Variants in NAALADL2 observed in about 807,000 individuals in gnomAD.
NAALADL2 encodes the protein N-acetylated alpha-linked acidic dipeptidase like 2, also known as inactive N-acetylated-alpha-linked acidic dipeptidase-like protein 2.
In NAALADL2, 76 loss-of-function variants were observed where a neutral mutation model predicts 87.2. The observed-to-expected ratio is 0.87, with a 90% confidence interval of 0.72 to 1.05. The LOEUF (loss-of-function observed/expected upper bound fraction) is 1.05. Ranked by LOEUF, NAALADL2 falls within the 50% of genes least tolerant of loss-of-function variation. The pLI is 0.00. For synonymous variants in NAALADL2, 354 were observed against 331.0 expected (o/e 1.07, Z -0.75); for missense variants, 1,089 against 945.8 (o/e 1.15, Z -1.99).
chr3:174,786,387 G>A (rs576013268), intron 3 of NAALADL2, among the ~76,000 whole-genome samples: 502 of 148,964 alleles, frequency 3.4e-3, no homozygotes, highest in Middle Eastern at 0.014. Context: ...GGAGGTGGAG[G>A]TTGCAGTGAG....
At chr3:175,635,451 G>C (rs371381588) in intron 11 of NAALADL2, among the ~76,000 whole-genome samples, 1 of 151,928 alleles carries the variant, frequency 6.6e-6, no homozygotes, top group South Asian at 2.1e-4. Flanking sequence ...GACTGATTTC[G>C]ACATGTATTT....
At chr3:175,176,833 T>C (rs1315140502) in intron 2 of NAALADL2, among the ~76,000 whole-genome samples, 1 of 152,112 alleles carries the variant, frequency 6.6e-6, no homozygotes, top group Non-Finnish European at 1.5e-5. Context: ...AGAAACATAG[T>C]ACTGCTGAAA....
chr3:174,513,932 T>C (rs1719764288), intron 1 of NAALADL2, among the ~76,000 whole-genome samples: 1 of 152,204 alleles, frequency 6.6e-6, no homozygotes, highest in African/African-American at 2.4e-5. Flanking sequence ...TCAGTATTGC[T>C]GATGTCTTCT....
intron 11 of NAALADL2, among the ~76,000 whole-genome samples, chr3:175,669,007 A>T (rs1287865499): frequency 6.6e-6 from 1 of 152,132 alleles, no homozygotes; most frequent in Non-Finnish European, 1.5e-5. Flanking sequence ...TGGAGAAGAG[A>T]GGCTTAAAAG....
At chr3:175,147,508 T>A (rs2108761928) in intron 2 of NAALADL2, among the ~76,000 whole-genome samples, 1 of 152,222 alleles carries the variant, frequency 6.6e-6, no homozygotes, top group South Asian at 2.1e-4. Context: ...GCACCTAGGT[T>A]GATGATATGT....
chr3:174,844,356 A>G (rs948292329), intron 3 of NAALADL2, among the ~76,000 whole-genome samples: 19 of 151,994 alleles, frequency 1.3e-4, no homozygotes, highest in Admixed American at 3.3e-4. Flanking sequence ...TATGTGTTCC[A>G]TTTTTATGCT....
At chr3:175,265,877 C>G (rs1399094146) in intron 4 of NAALADL2, among the ~76,000 whole-genome samples, 1 of 151,170 alleles carries the variant, frequency 6.6e-6, no homozygotes, top group Admixed American at 6.6e-5. Context: ...TAATAAGTAA[C>G]TGCTAATATA....
At chr3:175,239,620 A>G (rs1746488692) in intron 3 of NAALADL2, among the ~76,000 whole-genome samples, 1 of 152,188 alleles carries the variant, frequency 6.6e-6, no homozygotes, top group African/African-American at 2.4e-5. Context: ...TATCTGAAAG[A>G]TAAGCCAAGT....
Position 175,803,112 on chromosome 3 carries a change from T to A in NAALADL2, c.2297T>A (p.Leu766Gln). 1 of 1,612,504 alleles carries A rather than the reference T, an allele frequency of 6.2e-7. No individual in the cohort carries two copies. The highest frequency in any genetic ancestry group is 8.5e-7 in the Non-Finnish European group (1 of 1,179,008). ...TCAAATGAGACCCTTCAAGAAGCCCTGTCAGAGGTGTTGAACAGCATTAAT... is the reference window on the plus strand; with the variant it reads ...TCAAATGAGACCCTTCAAGAAGCCCAGTCAGAGGTGTTGAACAGCATTAAT... ...LASNETLQEA[L>Q]SEVLNSINSA... Residue 766 changes from leucine to glutamine, a missense_variant, in exon 14 of 14, where the codon CTG (leucine) becomes CAG (glutamine). Transcript: ENST00000454872.
At chr3:175,117,439 A>G (rs1302426942) in intron 2 of NAALADL2, among the ~76,000 whole-genome samples, 1 of 152,166 alleles carries the variant, frequency 6.6e-6, no homozygotes. Context: ...AACCTCATCA[A>G]AAAGTGGGCA....
chr3:174,726,163 G>A (rs960099899), intron 2 of NAALADL2, among the ~76,000 whole-genome samples: 1 of 151,944 alleles, frequency 6.6e-6, no homozygotes, highest in Non-Finnish European at 1.5e-5. Flanking sequence ...CAGAAACTGT[G>A]GTAAAAGGAA....
rs1036065824 is a variant in NAALADL2 at position 175,807,934 on chromosome 3, G to A, written c.*4731G>A. 15 of 151,876 alleles carry A rather than the reference G, an allele frequency of 9.9e-5. No individual in the cohort carries two copies. Among genetic ancestry groups the A allele is most frequent in the East Asian group, 1.9e-4 (1 of 5,166 alleles). 9.4% of individuals were successfully genotyped at this position (151,876 alleles called of 1,614,324 possible). On this transcript the variant is annotated 3_prime_UTR_variant, in exon 14 of 14. Transcript: ENST00000454872. ...CTTTTAGGTGACATGAATTTGAAGC[G>A]TAGCAAAAGAAATGTATAAAGATAG...
intron 1 of NAALADL2, among the ~76,000 whole-genome samples, chr3:174,996,123 T>A (rs550837053): frequency 2.0e-5 from 3 of 152,342 alleles, no homozygotes; most frequent in African/African-American, 7.2e-5. Context: ...AACGGACTTA[T>A]GTTGTATACA....
At chr3:175,739,484 T>C (rs553311695) in intron 12 of NAALADL2, among the ~76,000 whole-genome samples, 2 of 152,318 alleles carry the variant, frequency 1.3e-5, no homozygotes. Flanking sequence ...TATTGGGTTA[T>C]TGCTAGAATT....
At chr3:174,898,310 T>A (rs144407542) in intron 1 of NAALADL2, among the ~76,000 whole-genome samples, 418 of 151,342 alleles carry the variant, frequency 2.8e-3, no homozygotes, top group African/African-American at 9.6e-3. Context: ...GAGTAGAAGG[T>A]TGGTTACCAG....
intron 1 of NAALADL2, among the ~76,000 whole-genome samples, chr3:175,033,510 T>G (rs1440239920): frequency 1.3e-5 from 2 of 152,172 alleles, no homozygotes; most frequent in Non-Finnish European, 2.9e-5. Context: ...ATTCCCGGTA[T>G]GTGTCAGTGA....
rs1429760142 is a variant in NAALADL2, at chr3:175,216,612, C to T, written c.546-17319C>T. ...TCTTGCCCTGTCTCAAATAGACAAACATTCTCCCATTCCAGCAGATGTTGA... is the reference window on the plus strand; with the variant it reads ...TCTTGCCCTGTCTCAAATAGACAAATATTCTCCCATTCCAGCAGATGTTGA... On this transcript the variant is annotated intron_variant, in intron 2 of 13. Transcript: ENST00000454872. 5.3e-5 allele frequency among the ~76,000 whole-genome samples: 8 copies of T among 150,392 alleles called. No individual in the cohort carries two copies. In the East Asian group the frequency reaches 9.8e-4, roughly 18 times the overall value.
At chr3:174,777,163 T>A (rs1329986482) in intron 3 of NAALADL2, among the ~76,000 whole-genome samples, 1 of 152,108 alleles carries the variant, frequency 6.6e-6, no homozygotes, top group Admixed American at 6.6e-5. Context: ...CACTGTCTAA[T>A]CACCTTGTAT....
At chr3:174,898,429 CTA>C (rs1043194100) in intron 1 of NAALADL2, among the ~76,000 whole-genome samples, 17 of 151,602 alleles carry the variant, frequency 1.1e-4, no homozygotes, top group African/African-American at 4.1e-4. Context: ...ATAAGACTGA[CTA>C]TTTGATAGCA....
Sources: allele counts gnomAD v4.1 joint callset (sites outside exome capture counted in the v4.1 genomes callset), GRCh38; gene constraint gnomAD v4.1.1; transcripts MANE v1.5; gene names NCBI Gene and HGNC (gene_info 2026-07-23, HGNC 2026-07-21).